Variants in SLC6A9 observed in about 807,000 individuals in gnomAD.
SLC6A9 encodes the protein solute carrier family 6 member 9.
Under a neutral mutation model 70.9 loss-of-function variants are expected in SLC6A9, and 31 were observed. The ratio of observed to expected loss-of-function variants is 0.44; its 90% CI spans 0.33 to 0.59. The LOEUF (loss-of-function observed/expected upper bound fraction) is 0.59. Among genes scored for constraint, SLC6A9 ranks in the 20% least tolerant of loss-of-function variants. SLC6A9 has a pLI of 0.04. For missense variants in SLC6A9, 631 were observed against 845.2 expected (o/e 0.75, Z 3.14); for synonymous variants, 310 against 341.3 (o/e 0.91, Z 1.01).
At chr1:44,030,157 C>T (rs56787068) in intron 1 of SLC6A9, among the ~76,000 whole-genome samples, 6,122 of 152,142 alleles carry the variant, frequency 0.04, 402 homozygotes, top group African/African-American at 0.14. Context: ...CGGGCAGGGG[C>T]GCGGTCGGTC....
intron 2 of SLC6A9, chr1:44,017,398 CACACACACACA>C (rs1430112107): frequency 5.0e-6 from 6 of 1,191,016 alleles, no homozygotes; most frequent in South Asian, 1.8e-5. Flanking sequence ...CACACACACA[CACACACACACA>C]GACTGGGGCA....
At chr1:43,999,565 G>A (rs2086011086) in intron 12 of SLC6A9, among the ~76,000 whole-genome samples, 1 of 152,094 alleles carries the variant, frequency 6.6e-6, no homozygotes, top group Admixed American at 6.5e-5. Context: ...GCACTCTGGG[G>A]TGGTGGTGCC....
intron 8 of SLC6A9, among the ~76,000 whole-genome samples, 163 bp from the exon 9 acceptor site, chr1:44,001,790 C>G (rs1390465954): frequency 6.6e-6 from 1 of 152,140 alleles, no homozygotes; most frequent in Non-Finnish European, 1.5e-5. Context: ...TGCAATGGCG[C>G]TATCACAGCT....
intron 3 of SLC6A9, 130 bp downstream of exon 3, chr1:44,010,596 G>C (rs568632595): frequency 1.1e-6 from 1 of 874,528 alleles, no homozygotes; most frequent in East Asian, 2.6e-5. Context: ...CCAGGGATGG[G>C]GGCGAAGGAG....
rs12037523 is a variant in SLC6A9, at chr1:44,018,676, G to A, written c.30+5572C>T. On this transcript the variant is annotated intron_variant, in intron 2 of 13. Coordinates refer to ENST00000372310, the MANE Select transcript of SLC6A9 (RefSeq NM_001024845.3). The surrounding 1 kb of genome is among the most constrained non-coding windows in gnomAD (Gnocchi z 4.2). ...AGACAGGTGGGGCACAGTGGCTTAG[G>A]CCTGTAATGCCAGTGCTTTGGGAAG... 6.3e-4 allele frequency among the ~76,000 whole-genome samples: 96 copies of A among 151,642 alleles called. No individual in the cohort carries two copies. In the East Asian group the frequency reaches 0.016, roughly 25 times the overall value.
At chr1:44,024,164 A>G (rs1399892616) in intron 2 of SLC6A9, 84 bp downstream of exon 2, 7 of 1,425,982 alleles carry the variant, frequency 4.9e-6, no homozygotes, top group Non-Finnish European at 6.9e-6. Context: ...CGGCCTTCCT[A>G]AGCCTTCCAA....
intron 1 of SLC6A9, among the ~76,000 whole-genome samples, chr1:44,024,828 T>C (rs867358166): frequency 6.6e-6 from 1 of 152,180 alleles, no homozygotes. Flanking sequence ...TGTTGTCATG[T>C]CATTCACTTG....
Position 44,027,430 on chromosome 1 carries a change from A to G in SLC6A9, c.-85-3068T>C, listed in dbSNP as rs1445263147. On this transcript the variant is annotated intron_variant, in intron 1 of 13. Transcript: ENST00000372310. ...AGCCCTCCACATGTTCCTCCCCTCCAATCTGTTAATCTTCCCAAAGCCCTA... is the reference window on the plus strand; with the variant it reads ...AGCCCTCCACATGTTCCTCCCCTCCGATCTGTTAATCTTCCCAAAGCCCTA... 2.0e-5 allele frequency among the ~76,000 whole-genome samples: 3 copies of G among 152,102 alleles called. No individual in the cohort carries two copies. In the East Asian group the frequency reaches 5.8e-4, roughly 29 times the overall value.
chr1:44,020,794 CAT>C (rs1175488884), intron 2 of SLC6A9, among the ~76,000 whole-genome samples: 2 of 152,216 alleles, frequency 1.3e-5, no homozygotes, highest in African/African-American at 4.8e-5. Flanking sequence ...CAGGGAAAAA[CAT>C]ATGAGAACGC....
At position 43,996,927 on chromosome 1, in the gene SLC6A9, G is replaced by C. The variant is rs1349051706; in HGVS notation, c.*618C>G. ...GGCCTGACAGCCAGGCCTGGAATGA[G>C]GGGCAGAGACCCCGGAGCAGCCCAG... On this transcript the variant is annotated 3_prime_UTR_variant, in exon 14 of 14. Transcript: ENST00000372310. 6.5e-6 allele frequency: 1 copy of C among 153,074 alleles called. No individual in the cohort carries two copies. The highest frequency in any genetic ancestry group is 1.5e-5 in the Non-Finnish European group (1 of 68,420). 9.5% of individuals were successfully genotyped at this position (153,074 alleles called of 1,614,324 possible). A position where few individuals can be genotyped will look rare whatever the true frequency, so the allele number is the denominator to read the frequency against.
At chr1:44,009,739 C>T (rs2086477537) in intron 4 of SLC6A9, among the ~76,000 whole-genome samples, 1 of 152,106 alleles carries the variant, frequency 6.6e-6, no homozygotes, top group Non-Finnish European at 1.5e-5. Context: ...CGGGGGGTGG[C>T]GCAAAGGAGT....
At position 44,002,023 on chromosome 1, in the gene SLC6A9, C is replaced by T. The variant is rs1557670485; in HGVS notation, c.962+290G>A. On this transcript the variant is annotated intron_variant, in intron 8 of 13. Coordinates refer to ENST00000372310, the MANE Select transcript of SLC6A9 (RefSeq NM_001024845.3). The surrounding 1 kb of genome is among the most constrained non-coding windows in gnomAD (Gnocchi z 5.5). ...AGTGCTGGGATTACGGCGTGAAGCACTGAGCCTGGCCCCCAACTCCTTTTC... is the reference window on the plus strand; with the variant it reads ...AGTGCTGGGATTACGGCGTGAAGCATTGAGCCTGGCCCCCAACTCCTTTTC... Among the ~76,000 whole-genome samples, 2 of 152,150 alleles carry T rather than the reference C, an allele frequency of 1.3e-5. No homozygotes were observed. The highest frequency in any genetic ancestry group is 4.2e-4 in the South Asian group (2 of 4,818).
chr1:44,001,562 GAGA>G lies in SLC6A9; in HGVS notation c.1025_1027del (p.Phe342del). On this transcript the variant is annotated inframe_deletion, in exon 9 of 14. Transcript: ENST00000372310. The stretch of plus-strand genomic sequence containing the variant: ...GTGATTGGCCATGAAGCCGAGGATG[GAGA>G]AGATGACGAAGCCAGCATAGACGCT... 2 of 1,614,282 alleles carry G rather than the reference GAGA, an allele frequency of 1.2e-6. No individual in the cohort carries two copies. The highest frequency in any genetic ancestry group is 1.7e-6 in the Non-Finnish European group (2 of 1,180,058).
At chr1:44,008,237 A>T (rs2086392553) in intron 5 of SLC6A9, 116 bp downstream of exon 5, 1 of 1,014,826 alleles carries the variant, frequency 9.9e-7, no homozygotes, top group Non-Finnish European at 1.5e-6. Context: ...ACCCTCTCCC[A>T]GCCCAGCAGC....
chr1:44,003,071 C>T (rs570696351), intron 5 of SLC6A9, 86 bp from the exon 6 acceptor site: 127 of 1,510,060 alleles, frequency 8.4e-5, no homozygotes, highest in Non-Finnish European at 1.1e-4. Context: ...CCGGGCTGTA[C>T]CCTCCTTTGT....
At position 44,006,586 on chromosome 1, in the gene SLC6A9, C is replaced by CAAAAA. The variant is rs34759206; in HGVS notation, c.590+1762_590+1766dup. The stretch of plus-strand genomic sequence containing the variant: ...TGGGCAACAGAGCGAGATTCTGTCT[C>CAAAAA]AAAAAAAAAAAAAAAAAAAAAAAAG... On this transcript the variant is annotated intron_variant, in intron 5 of 13. Coordinates refer to ENST00000372310, the MANE Select transcript of SLC6A9 (RefSeq NM_001024845.3). 2.7e-4 allele frequency among the ~76,000 whole-genome samples: 18 copies of CAAAAA among 67,580 alleles called. No homozygotes were observed. The South Asian group carries it at 3.3e-3, about 12-fold the overall frequency. The allele number at this position is 67,580 out of a possible 152,430, so 44.3% of individuals were successfully genotyped here. A position where few individuals can be genotyped will look rare whatever the true frequency, so the allele number is the denominator to read the frequency against.
intron 5 of SLC6A9, among the ~76,000 whole-genome samples, chr1:44,007,983 C>T (rs182852116): frequency 2.6e-5 from 4 of 151,796 alleles, no homozygotes; most frequent in Admixed American, 6.6e-5. Context: ...CTCTGCCTCC[C>T]GGGTTCACGC....
chr1:44,003,750 A>AG (rs2086210515), intron 5 of SLC6A9, among the ~76,000 whole-genome samples: 1 of 25,900 alleles, frequency 3.9e-5, no homozygotes, highest in Admixed American at 5.0e-4. Flanking sequence ...TCCAATCTCA[A>AG]AAAAAAAAAA....
At position 44,022,706 on chromosome 1, in the gene SLC6A9, CTTTCTTTCTTTCTTTCTT is replaced by C. The variant is rs1557695109; in HGVS notation, c.30+1524_30+1541del. ...AACTGCTGTTTTTTAATTTTTCTTTCTTTCTTTCTTTCTTTCTTTTTTTTTTTTTTGAGACAGAGCCCT... is the reference window on the plus strand; with the variant it reads ...AACTGCTGTTTTTTAATTTTTCTTTCTTTTTTTTTTTTGAGACAGAGCCCT... On this transcript the variant is annotated intron_variant, in intron 2 of 13. Coordinates refer to ENST00000372310, the MANE Select transcript of SLC6A9 (RefSeq NM_001024845.3). Among the ~76,000 whole-genome samples the C allele has an allele frequency of 5.0e-5, 4 of 80,596 alleles. 1 individual carries two copies. The African/African-American group carries it at 5.5e-4, about 11-fold the overall frequency. The allele number at this position is 80,596 out of a possible 152,430, so 52.9% of individuals were successfully genotyped here.
Sources: gnomAD v4.1 joint callset for allele counts (sites outside exome capture counted in the v4.1 genomes callset) on GRCh38, gnomAD v4.1.1 for gene constraint, Gnocchi (gnomAD v3.1) non-coding constraint, MANE v1.5 for transcripts, NCBI Gene and HGNC (gene_info 2026-07-23, HGNC 2026-07-21) for gene names.